LMBR1: variants seen among roughly 807,000 people sequenced by gnomAD.
LMBR1 encodes limb region 1 protein homolog.
Under a neutral mutation model 73.9 loss-of-function variants are expected in LMBR1, and 52 were observed. That is an observed-to-expected ratio of 0.70 (90% CI 0.56 to 0.89). The LOEUF (loss-of-function observed/expected upper bound fraction) is 0.89, where lower values mean the gene tolerates loss of function less well. LMBR1 is among the 40% of genes least tolerant of loss of function. LMBR1 has a pLI of 0.00. For missense variants in LMBR1, 539 were observed against 579.8 expected (o/e 0.93, Z 0.72); for synonymous variants, 215 against 209.4 (o/e 1.03, Z -0.23).
At chr7:156,806,097 A>G (rs1053288267) in intron 4 of LMBR1, among the ~76,000 whole-genome samples, 9 of 151,970 alleles carry the variant, frequency 5.9e-5, no homozygotes, top group South Asian at 2.1e-4. Flanking sequence ...TAGCAGCCCA[A>G]ACTGATAAAG....
chr7:156,835,469 C>T (rs1239580444), intron 2 of LMBR1, among the ~76,000 whole-genome samples: 1 of 152,170 alleles, frequency 6.6e-6, no homozygotes, highest in African/African-American at 2.4e-5. Flanking sequence ...TCAAGGCAGG[C>T]AGATTATCTG....
intron 10 of LMBR1, among the ~76,000 whole-genome samples, chr7:156,733,616 G>GA (rs1817290118): frequency 6.6e-6 from 1 of 151,502 alleles, no homozygotes; most frequent in African/African-American, 2.4e-5. Flanking sequence ...AATACAGCAA[G>GA]AAAAAAACTG....
chr7:156,772,846 A>C (rs1300342005), intron 5 of LMBR1, among the ~76,000 whole-genome samples: 2 of 147,100 alleles, frequency 1.4e-5, no homozygotes, highest in East Asian at 4.4e-4. Flanking sequence ...CGAAAAGAGA[A>C]GAGAGGAGAG....
intron 1 of LMBR1, among the ~76,000 whole-genome samples, chr7:156,855,962 G>A (rs926381774): frequency 2.0e-5 from 3 of 152,128 alleles, no homozygotes; most frequent in Non-Finnish European, 4.4e-5. Flanking sequence ...TTGGGAGGCC[G>A]AGGCGGGCAG....
intron 15 of LMBR1, among the ~76,000 whole-genome samples, chr7:156,720,920 T>C (rs1284719953): frequency 6.6e-6 from 1 of 151,932 alleles, no homozygotes; most frequent in Non-Finnish European, 1.5e-5. Flanking sequence ...AGGGTACAGA[T>C]AAATAGGGAT....
chr7:156,840,406 C>T lies in LMBR1; in HGVS notation c.67-3521G>A, dbSNP rs184590391. ...CAAGACATGCAGAAATCTAGAGGAA[C>T]GGGGGAGGATTTGAGGCAGAGAGAA... On this transcript the variant is annotated intron_variant, in intron 1 of 16. Transcript: ENST00000353442. Among the ~76,000 whole-genome samples, 14 of 151,652 alleles carry T rather than the reference C, an allele frequency of 9.2e-5. No homozygotes were observed. In the South Asian group the frequency reaches 1.2e-3, roughly 13 times the overall value.
At chr7:156,776,332 A>G (rs868660359) in intron 5 of LMBR1, among the ~76,000 whole-genome samples, 2 of 152,030 alleles carry the variant, frequency 1.3e-5, no homozygotes, top group African/African-American at 2.4e-5. Context: ...CTACAAACCT[A>G]TAAGAAGCAG....
At chr7:156,711,467 T>G (rs1032672684) in intron 15 of LMBR1, among the ~76,000 whole-genome samples, 2 of 151,966 alleles carry the variant, frequency 1.3e-5, no homozygotes, top group Non-Finnish European at 1.5e-5. Context: ...CCTACCAAAA[T>G]ACCAATGTTA....
chr7:156,730,463 C>A (rs972336589), intron 10 of LMBR1, among the ~76,000 whole-genome samples: 1 of 152,166 alleles, frequency 6.6e-6, no homozygotes, highest in Non-Finnish European at 1.5e-5. Flanking sequence ...ATGGACCGGT[C>A]GTCATAAAGA....
intron 5 of LMBR1, among the ~76,000 whole-genome samples, chr7:156,775,017 G>C (rs1585709577): frequency 6.6e-6 from 1 of 152,176 alleles, no homozygotes; most frequent in South Asian, 2.1e-4. Context: ...CCTACTTGAA[G>C]GTGGACGGTG....
chr7:156,720,422 G>A (rs1309530328), intron 15 of LMBR1, among the ~76,000 whole-genome samples: 1 of 152,190 alleles, frequency 6.6e-6, no homozygotes, highest in African/African-American at 2.4e-5. Flanking sequence ...AGACAGGGCT[G>A]TTTGCCCTGA....
intron 4 of LMBR1, among the ~76,000 whole-genome samples, chr7:156,810,403 C>T (rs75232229): frequency 0.13 from 20,286 of 151,940 alleles, 1,444 homozygotes; most frequent in Non-Finnish European, 0.16. Flanking sequence ...ATTTCTCTCT[C>T]TTTTTTTGAG....
chr7:156,808,676 T>C (rs1340479538), intron 4 of LMBR1, among the ~76,000 whole-genome samples: 1 of 152,224 alleles, frequency 6.6e-6, no homozygotes, highest in African/African-American at 2.4e-5. Context: ...ACAGATTAAG[T>C]ATTTTTTATG....
intron 8 of LMBR1, among the ~76,000 whole-genome samples, chr7:156,760,520 TA>T (rs1822774642): frequency 6.6e-6 from 1 of 152,096 alleles, no homozygotes; most frequent in South Asian, 2.1e-4. Context: ...CATTTGCCTA[TA>T]GTTAGGGGTC....
Position 156,724,111 on chromosome 7 carries a change from C to A in LMBR1, c.1225+1G>T. The A allele has an allele frequency of 1.2e-6, 2 of 1,607,032 alleles. No homozygotes were observed. Among genetic ancestry groups the A allele is most frequent in the Non-Finnish European group, 1.7e-6 (2 of 1,175,860 alleles). On this transcript the variant is annotated splice_donor_variant, in intron 15 of 16. Coordinates refer to ENST00000353442, the MANE Select transcript of LMBR1 (RefSeq NM_022458.4). LOFTEE classifies it high-confidence loss of function. ...AGTGAAAATTTCTCACTGAAACTTA[C>A]CCAGTGTTCTCGACATCACAGGCAG...
At chr7:156,719,777 C>T (rs1340749519) in intron 15 of LMBR1, among the ~76,000 whole-genome samples, 1 of 152,234 alleles carries the variant, frequency 6.6e-6, no homozygotes, top group East Asian at 1.9e-4. Context: ...TGGAATAGAA[C>T]AGAGCCCTCA....
At chr7:156,884,709 T>C (rs1163415283) in intron 1 of LMBR1, among the ~76,000 whole-genome samples, 1 of 152,198 alleles carries the variant, frequency 6.6e-6, no homozygotes, top group Non-Finnish European at 1.5e-5. Flanking sequence ...AAGCCCAATT[T>C]GTCCAACTAC....
At chr7:156,795,103 C>T (rs537337596) in intron 5 of LMBR1, among the ~76,000 whole-genome samples, 69 of 152,248 alleles carry the variant, frequency 4.5e-4, no homozygotes, top group African/African-American at 1.6e-3. Context: ...ACCGGCCATT[C>T]CCTCAATACT....
At position 156,836,901 on chromosome 7, in the gene LMBR1, G is replaced by T; in HGVS notation, c.67-16C>A. On this transcript the variant is annotated splice_polypyrimidine_tract_variant and intron_variant, in intron 1 of 16. Transcript: ENST00000353442. Reference sequence around the variant, plus strand: ...GGAAACATATCTGAAACAAAACGAAGTTAACAGATCATTTACTTTTTTGCA... The same window carrying T: ...GGAAACATATCTGAAACAAAACGAATTTAACAGATCATTTACTTTTTTGCA... 6.6e-7 allele frequency: 1 copy of T among 1,507,216 alleles called. No individual in the cohort carries two copies. Among genetic ancestry groups the T allele is most frequent in the South Asian group, 1.2e-5 (1 of 81,204 alleles). 93.4% of individuals were successfully genotyped at this position (1,507,216 alleles called of 1,614,324 possible).
Sources: gnomAD v4.1 joint callset for allele counts (sites outside exome capture counted in the v4.1 genomes callset) on GRCh38, gnomAD v4.1.1 for gene constraint, MANE v1.5 for transcripts, NCBI Gene and HGNC (gene_info 2026-07-23, HGNC 2026-07-21) for gene names.